Variants in CCDC30 observed in about 807,000 individuals in gnomAD.
CCDC30 encodes coiled-coil domain containing 30, also known as coiled-coil domain-containing protein 30.
Under a neutral mutation model 100.2 loss-of-function variants are expected in CCDC30, and 70 were observed. That is an observed-to-expected ratio of 0.70 (90% confidence interval 0.58 to 0.85). The LOEUF (loss-of-function observed/expected upper bound fraction) is 0.85. Among genes scored for constraint, CCDC30 ranks in the 40% least tolerant of loss-of-function variants. The probability of loss-of-function intolerance (pLI) is 0.00; values close to 1 mark genes in which losing one functional copy is unlikely to be tolerated. For missense variants in CCDC30, 652 were observed against 771.2 expected, an observed-to-expected ratio of 0.85 and a Z score of 1.83; for synonymous variants, 233 against 269.5, an observed-to-expected ratio of 0.86 and a Z score of 1.33.
intron 3 of CCDC30, among the ~76,000 whole-genome samples, chr1:42,486,099 C>T (rs749732287): frequency 1.3e-5 from 2 of 152,038 alleles, no homozygotes; most frequent in African/African-American, 2.4e-5. Flanking sequence ...ATATTAAAGG[C>T]GACCCAGAAA....
chr1:42,510,458 A>G (rs1569860844), intron 6 of CCDC30, among the ~76,000 whole-genome samples: 1 of 152,242 alleles, frequency 6.6e-6, no homozygotes, highest in East Asian at 1.9e-4. Flanking sequence ...GGAGATCAAG[A>G]CCATCCTTGC....
intron 11 of CCDC30, among the ~76,000 whole-genome samples, chr1:42,635,625 C>T (rs1219186688): frequency 5.9e-5 from 9 of 151,630 alleles, no homozygotes; most frequent in Middle Eastern, 3.4e-3. Flanking sequence ...CTGACTAACA[C>T]GGTGAAACCC....
chr1:42,508,664 C>T (rs2105061), intron 6 of CCDC30, among the ~76,000 whole-genome samples: 19,783 of 151,748 alleles, frequency 0.13, 1,475 homozygotes, highest in East Asian at 0.18. Flanking sequence ...AGGGTGTGTA[C>T]GTGTGTGTGT....
chr1:42,578,948 A>T (rs984679066), intron 8 of CCDC30, among the ~76,000 whole-genome samples: 2 of 152,182 alleles, frequency 1.3e-5, no homozygotes, highest in African/African-American at 4.8e-5. Flanking sequence ...CCTATGGGGT[A>T]GCCCTGCTGT....
At chr1:42,607,317 G>A (rs1377007237) in intron 10 of CCDC30, among the ~76,000 whole-genome samples, 1 of 152,074 alleles carries the variant, frequency 6.6e-6, no homozygotes, top group African/African-American at 2.4e-5. Context: ...GCTTTAAAAA[G>A]GGTGGTTTGT....
chr1:42,488,817 G>A (rs922238054), intron 3 of CCDC30, among the ~76,000 whole-genome samples: 3 of 152,176 alleles, frequency 2.0e-5, no homozygotes, highest in Non-Finnish European at 4.4e-5. Flanking sequence ...GAGGTTCATA[G>A]AATACAGTTT....
chr1:42,598,250 C>T (rs756857631), intron 10 of CCDC30, among the ~76,000 whole-genome samples: 2 of 151,800 alleles, frequency 1.3e-5, no homozygotes, highest in Non-Finnish European at 1.5e-5. Flanking sequence ...GGCATGGTGG[C>T]TCATACCTGT....
chr1:42,462,372 G>A (rs766592695), upstream of CCDC30, among the ~76,000 whole-genome samples: 7 of 152,162 alleles, frequency 4.6e-5, no homozygotes, highest in Non-Finnish European at 1.0e-4. Context: ...ATAAACAGGA[G>A]TGAAGTGGGC....
chr1:42,579,936 C>G (rs12410228), intron 8 of CCDC30, among the ~76,000 whole-genome samples: 19,273 of 134,390 alleles, frequency 0.14, 1,432 homozygotes, highest in East Asian at 0.21. Context: ...AACAGCACAT[C>G]TCAAAAAAAA....
At chr1:42,613,407 G>A (rs1056116483) in intron 11 of CCDC30, among the ~76,000 whole-genome samples, 1 of 152,008 alleles carries the variant, frequency 6.6e-6, no homozygotes, top group Non-Finnish European at 1.5e-5. Flanking sequence ...GGCGCCCACT[G>A]CCACGCCCGG....
At position 42,471,292 on chromosome 1, in the gene CCDC30, C is replaced by T. The variant is rs113924167; in HGVS notation, c.-92+7394C>T. Among the ~76,000 whole-genome samples, 906 of 152,234 alleles carry T rather than the reference C, an allele frequency of 6.0e-3. 6 individuals are homozygous for T. Among genetic ancestry groups the T allele is most frequent in the African/African-American group, 0.02 (846 of 41,534 alleles). ...TTAACATCCTCCAACCTTAGACTCC[C>T]CTACTCCACCCCTACAGCATGGGGA... is the stretch of plus-strand genomic sequence containing the variant. On this transcript the variant is annotated intron_variant, in intron 1 of 16. Transcript: ENST00000668663.
chr1:42,567,986 C>T (rs1645643675), intron 7 of CCDC30, among the ~76,000 whole-genome samples: 1 of 151,790 alleles, frequency 6.6e-6, no homozygotes, highest in African/African-American at 2.4e-5. Flanking sequence ...TTTTAATCTC[C>T]ATGGTGAGAT....
chr1:42,586,551 A>G (rs1646074033), intron 9 of CCDC30, among the ~76,000 whole-genome samples: 1 of 152,070 alleles, frequency 6.6e-6, no homozygotes, highest in South Asian at 2.1e-4. Context: ...GTGATCCTCC[A>G]GCCTCAGACT....
chr1:42,650,057 A>G (rs1435723323), intron 15 of CCDC30, among the ~76,000 whole-genome samples: 1 of 152,216 alleles, frequency 6.6e-6, no homozygotes, highest in East Asian at 1.9e-4. Flanking sequence ...ACCTATCAAA[A>G]TTCCAATGTC....
chr1:42,644,330 T>C (rs536671698), intron 13 of CCDC30, among the ~76,000 whole-genome samples: 6 of 152,056 alleles, frequency 3.9e-5, no homozygotes, highest in Non-Finnish European at 5.9e-5. Context: ...GAGAGGCCTG[T>C]CTCTCTTTTT....
intron 11 of CCDC30, among the ~76,000 whole-genome samples, chr1:42,623,294 C>G (rs1356590570): frequency 1.3e-5 from 2 of 152,100 alleles, no homozygotes; most frequent in Non-Finnish European, 2.9e-5. Flanking sequence ...GGGTATTACT[C>G]AAGAAATTTT....
chr1:42,487,110 C>CAAA (rs58763328), intron 3 of CCDC30, among the ~76,000 whole-genome samples: 2 of 91,064 alleles, frequency 2.2e-5, no homozygotes, highest in African/African-American at 4.0e-5. Context: ...TGCCCTGTCT[C>CAAA]AAAAAAAAAA....
chr1:42,482,122 G>A (rs113187450), intron 2 of CCDC30, among the ~76,000 whole-genome samples: 2,796 of 151,846 alleles, frequency 0.018, 99 homozygotes, highest in African/African-American at 0.064. Flanking sequence ...GGAGTCTGAG[G>A]CAGGAGAATC....
At position 42,480,578 on chromosome 1, in the gene CCDC30, C is replaced by T. The variant is rs757962861; in HGVS notation, c.15+12C>T. 4 of 984,198 alleles carry T rather than the reference C, an allele frequency of 4.1e-6. No individual in the cohort carries two copies. Among genetic ancestry groups the T allele is most frequent in the Non-Finnish European group, 4.8e-6 (4 of 828,878 alleles). The allele number at this position is 984,198 out of a possible 1,614,324, so 61.0% of individuals were successfully genotyped here. On this transcript the variant is annotated intron_variant, in intron 2 of 16. Coordinates refer to ENST00000668663, the Ensembl canonical transcript of CCDC30. ...TGCTGGAATTACAGGTGAGCCACCA[C>T]ACCCAGGCAAAATGACATTTTTGTT...
Sources: gnomAD v4.1 joint callset for allele counts (sites outside exome capture counted in the v4.1 genomes callset) on GRCh38, gnomAD v4.1.1 for gene constraint, MANE v1.5 for transcripts, NCBI Gene and HGNC (gene_info 2026-07-23, HGNC 2026-07-21) for gene names.